Variants in PTPRD observed in about 807,000 individuals in gnomAD.
PTPRD encodes the protein protein tyrosine phosphatase receptor type D, also known as receptor-type tyrosine-protein phosphatase delta.
PTPRD carries 34 observed loss-of-function variants against 214.5 expected under a neutral mutation model. The observed-to-expected ratio is 0.16, with a 90% CI of 0.12 to 0.21. The LOEUF (loss-of-function observed/expected upper bound fraction) is 0.21. PTPRD is among the 10% of genes least tolerant of loss of function. The pLI, the probability that PTPRD is intolerant of heterozygous loss-of-function variation, is 1.00. For missense variants in PTPRD, 2,545 were observed against 2,398.7 expected, an observed-to-expected ratio of 1.06 and a Z score of -1.27; for synonymous variants, 1,128 against 845.7, an observed-to-expected ratio of 1.33 and a Z score of -5.79.
chr9:8,392,953 A>T (rs780724430), intron 36 of PTPRD, among the ~76,000 whole-genome samples: 1 of 152,198 alleles, frequency 6.6e-6, no homozygotes, highest in Non-Finnish European at 1.5e-5. Context: ...TCAGCAGTCC[A>T]TTTCAAGTAG....
rs143938805 is a variant in PTPRD, at chr9:10,372,348, G to C, written c.-599-31331C>G. 4.6e-5 allele frequency among the ~76,000 whole-genome samples: 7 copies of C among 152,114 alleles called. No homozygotes were observed. In the East Asian group the frequency reaches 1.2e-3, roughly 25 times the overall value. On this transcript the variant is annotated intron_variant, in intron 2 of 45. Coordinates refer to ENST00000381196, the MANE Select transcript of PTPRD (RefSeq NM_002839.4). Reference sequence around the variant, plus strand: ...TGAGTAGGTTGTAAAAGTGCCACATGCCTTTGTGTTTCTGATTAGTATTCC... The same window carrying C: ...TGAGTAGGTTGTAAAAGTGCCACATCCCTTTGTGTTTCTGATTAGTATTCC...
At chr9:8,853,063 A>G (rs1446515305) in intron 11 of PTPRD, among the ~76,000 whole-genome samples, 1 of 152,224 alleles carries the variant, frequency 6.6e-6, no homozygotes, top group African/African-American at 2.4e-5. Context: ...AAAAAAATGC[A>G]AACTGTTGAT....
At chr9:9,329,301 A>C (rs572542003) in intron 9 of PTPRD, among the ~76,000 whole-genome samples, 1 of 152,314 alleles carries the variant, frequency 6.6e-6, no homozygotes, top group East Asian at 1.9e-4. Context: ...TATTTGCAAG[A>C]GAAAAAGATT....
chr9:9,205,928 G>A (rs1014558967), intron 9 of PTPRD, among the ~76,000 whole-genome samples: 1 of 152,170 alleles, frequency 6.6e-6, no homozygotes, highest in Non-Finnish European at 1.5e-5. Context: ...ACTTGAAGGG[G>A]AGAGCATGAT....
intron 39 of PTPRD, among the ~76,000 whole-genome samples, chr9:8,353,592 C>T (rs184788212): frequency 2.9e-4 from 44 of 151,950 alleles, no homozygotes; most frequent in Middle Eastern, 3.4e-3. Flanking sequence ...GCCACTACAC[C>T]CGGCTCATTT....
chr9:9,652,818 T>C (rs572385629), intron 7 of PTPRD, among the ~76,000 whole-genome samples: 1 of 151,968 alleles, frequency 6.6e-6, no homozygotes, highest in East Asian at 2.0e-4. Context: ...TTCACCATAT[T>C]AGACAGGCTG....
Position 8,698,886 on chromosome 9 carries a change from G to C in PTPRD, c.64+34894C>G, listed in dbSNP as rs148305618. Among the ~76,000 whole-genome samples, 142 of 152,086 alleles carry C rather than the reference G, an allele frequency of 9.3e-4. 1 individual carries two copies. Among genetic ancestry groups the C allele is most frequent in the African/African-American group, 3.4e-3 (141 of 41,470 alleles). On this transcript the variant is annotated intron_variant, in intron 12 of 45. Transcript: ENST00000381196. ...ATACCTTCTCACTGTTCAAGAACAG[G>C]AGTGCTGATAAACATCATCTCAAAA...
At chr9:9,518,051 C>T (rs916081420) in intron 8 of PTPRD, among the ~76,000 whole-genome samples, 2 of 151,950 alleles carry the variant, frequency 1.3e-5, no homozygotes, top group Admixed American at 6.6e-5. Flanking sequence ...TTTTGATAAA[C>T]ATTGATACTT....
Position 8,721,448 on chromosome 9 carries a change from A to G in PTPRD, c.64+12332T>C, listed in dbSNP as rs1247691282. Among the ~76,000 whole-genome samples, 3 of 151,994 alleles carry G rather than the reference A, an allele frequency of 2.0e-5. No individual in the cohort carries two copies. In the East Asian group the frequency reaches 5.8e-4, roughly 29 times the overall value. On this transcript the variant is annotated intron_variant, in intron 12 of 45. Transcript: ENST00000381196. ...CCATTTCAAAAAAAAAAAAAAAAGA[A>G]AGATAAAGTGTTTAAATCATTATTC...
chr9:8,478,145 G>C (rs957887686), intron 30 of PTPRD, among the ~76,000 whole-genome samples: 1 of 152,206 alleles, frequency 6.6e-6, no homozygotes, highest in Non-Finnish European at 1.5e-5. Context: ...ATGTAAATTA[G>C]AGGAAGAATA....
At chr9:10,151,679 C>T (rs997534817) in intron 3 of PTPRD, among the ~76,000 whole-genome samples, 1 of 152,204 alleles carries the variant, frequency 6.6e-6, no homozygotes, top group African/African-American at 2.4e-5. Context: ...TGAACGACCA[C>T]CACCACAATC....
intron 30 of PTPRD, among the ~76,000 whole-genome samples, chr9:8,473,695 A>T (rs888966969): frequency 2.6e-4 from 39 of 152,094 alleles, no homozygotes; most frequent in African/African-American, 9.4e-4. Context: ...TGAAAAAAAA[A>T]ATCCATTCTT....
At chr9:10,590,584 T>G (rs2075182103) in intron 2 of PTPRD, among the ~76,000 whole-genome samples, 4 of 152,042 alleles carry the variant, frequency 2.6e-5, no homozygotes. Context: ...ATATGTTGTC[T>G]CTGGCTTCTT....
intron 30 of PTPRD, among the ~76,000 whole-genome samples, chr9:8,480,144 T>C (rs10815884): frequency 0.17 from 25,137 of 152,164 alleles, 2,537 homozygotes; most frequent in South Asian, 0.3. Flanking sequence ...ATAGAATATA[T>C]ATTTGTTGGA....
chr9:8,330,748 TATTTGTCCTA>T (rs1355093518), intron 44 of PTPRD, among the ~76,000 whole-genome samples: 1 of 152,112 alleles, frequency 6.6e-6, no homozygotes, highest in African/African-American at 2.4e-5. Context: ...CCAAGTCTAA[TATTTGTCCTA>T]TTTTGAGATC....
chr9:9,896,741 T>C (rs1020659173), intron 5 of PTPRD, among the ~76,000 whole-genome samples: 2 of 152,080 alleles, frequency 1.3e-5, no homozygotes, highest in East Asian at 3.8e-4. Context: ...TGGGCATCAA[T>C]TGAAATATTA....
intron 7 of PTPRD, among the ~76,000 whole-genome samples, chr9:9,598,196 T>A (rs991268252): frequency 6.6e-6 from 1 of 151,810 alleles, no homozygotes; most frequent in Non-Finnish European, 1.5e-5. Context: ...AGTAAAGGGG[T>A]TGCCAATGAG....
At chr9:10,122,390 AC>A (rs1430386503) in intron 3 of PTPRD, among the ~76,000 whole-genome samples, 1 of 152,202 alleles carries the variant, frequency 6.6e-6, no homozygotes, top group African/African-American at 2.4e-5. Context: ...AATTTATCCA[AC>A]AAAAATTATT....
chr9:9,387,407 A>G (rs2140668063), intron 9 of PTPRD, among the ~76,000 whole-genome samples: 1 of 152,254 alleles, frequency 6.6e-6, no homozygotes, highest in South Asian at 2.1e-4. Context: ...AAATTAAAAT[A>G]AAGTTATTGA....
Sources: gnomAD v4.1 joint callset for allele counts (sites outside exome capture counted in the v4.1 genomes callset) on GRCh38, gnomAD v4.1.1 for gene constraint, MANE v1.5 for transcripts, NCBI Gene and HGNC (gene_info 2026-07-23, HGNC 2026-07-21) for gene names.